The following LTBP4 variants were observed in gnomAD, a reference collection of about 807,000 sequenced individuals.
LTBP4 encodes the protein latent-transforming growth factor beta-binding protein 4.
In LTBP4, 93 loss-of-function variants were observed where a neutral mutation model predicts 180.2. That is an observed-to-expected ratio of 0.52 (90% CI 0.44 to 0.61). The LOEUF is 0.61. LTBP4 is among the 20% of genes least tolerant of loss of function. The pLI is 0.00. For missense variants in LTBP4, 2,116 were observed against 2,256.5 expected (o/e 0.94, Z 1.26); for synonymous variants, 947 against 934.5 (o/e 1.01, Z -0.24).
chr19:40,593,628 G>T (rs2081377074), intron 1 of LTBP4, among the ~76,000 whole-genome samples: 1 of 151,110 alleles, frequency 6.6e-6, no homozygotes, highest in Non-Finnish European at 1.5e-5. Context: ...TATGTAGGGG[G>T]AGGGCCTGGA....
chr19:40,608,828 T>C (rs2081483578), intron 9 of LTBP4: 2 of 449,730 alleles, frequency 4.4e-6, no homozygotes, highest in Non-Finnish European at 7.9e-6. Flanking sequence ...GGAGAATCAC[T>C]TGAACCCAGG....
At chr19:40,597,713 C>A (rs1472590387), upstream of LTBP4, among the ~76,000 whole-genome samples, 2 of 151,732 alleles carry the variant, frequency 1.3e-5, no homozygotes, top group African/African-American at 4.8e-5. Flanking sequence ...GGTCTTCGAG[C>A]TAGGATGGAG....
In LTBP4 at chr19:40,607,405, C is replaced by A; in HGVS notation, c.1032C>A (p.Arg344=). Residue 344 remains arginine, a synonymous_variant, in exon 7 of 30, where the codon CGC becomes CGA. Transcript: ENST00000396819. ...VISEAKGPCF[R]VLRDGGCSLP... is the part of the protein sequence containing the mutation. ...CAGAGGCCAAAGGGCCCTGCTTCCG[C>A]GTGCTCCGCGACGGCGGCTGTTCGC... 1.2e-6 allele frequency: 2 copies of A among 1,613,144 alleles called. No homozygotes were observed. The highest frequency in any genetic ancestry group is 1.7e-6 in the Non-Finnish European group (2 of 1,179,614).
At position 40,612,205 on chromosome 19, in the gene LTBP4, C is replaced by T. The variant is rs2081512931; in HGVS notation, c.2299+13C>T. ...GGCAGATGCACTGGTGAGACCAGGC[C>T]CTGGCTGTGACCTTGGGCCTGCATC... On this transcript the variant is annotated intron_variant, in intron 15 of 29. Transcript: ENST00000396819. The T allele has an allele frequency of 1.9e-6, 3 of 1,586,500 alleles. No homozygotes were observed. The highest frequency in any genetic ancestry group is 4.6e-5 in the East Asian group (2 of 43,772).
At position 40,605,942 on chromosome 19, in the gene LTBP4, AC is replaced by A; in HGVS notation, c.793+115del. 1 of 1,218,164 alleles carries A rather than the reference AC, an allele frequency of 8.2e-7. No homozygotes were observed. Among genetic ancestry groups the A allele is most frequent in the Non-Finnish European group, 1.1e-6 (1 of 885,562 alleles). The allele number at this position is 1,218,164 out of a possible 1,614,324, so 75.5% of individuals were successfully genotyped here. A position where few individuals can be genotyped will look rare whatever the true frequency, so the allele number is the denominator to read the frequency against. ...CAGTTCACAAATTGTAGCCACGCCT[AC>A]CCCATTGTGGAGGCGACTTCCAGTC... On this transcript the variant is annotated intron_variant, in intron 4 of 29. Coordinates refer to ENST00000396819, the MANE Select transcript of LTBP4 (RefSeq NM_001042545.2). This position sits in a 1 kb window ranked among gnomAD's most constrained non-coding sequence, Gnocchi z 5.5.
In LTBP4 at chr19:40,619,502, G is replaced by A. The variant is rs765065001; in HGVS notation, c.3217+9G>A. On this transcript the variant is annotated intron_variant, in intron 22 of 29. Transcript: ENST00000396819. ...CCCACGAACTTCTGCTGGTGAGACT[G>A]ATGTGTCTATTTAACTGATGGCGGC... is the stretch of plus-strand genomic sequence containing the variant. 27 of 1,603,252 alleles carry A rather than the reference G, an allele frequency of 1.7e-5. No homozygotes were observed. The highest frequency in any genetic ancestry group is 2.1e-5 in the Non-Finnish European group (25 of 1,172,786).
Position 40,601,447 on chromosome 19 carries a change from G to A in LTBP4, c.60G>A (p.Gly20=), listed in dbSNP as rs1290880704. 2 of 1,474,474 alleles carry A rather than the reference G, an allele frequency of 1.4e-6. No individual in the cohort carries two copies. Among genetic ancestry groups the A allele is most frequent in the African/African-American group, 1.5e-5 (1 of 68,232 alleles). The allele number at this position is 1,474,474 out of a possible 1,614,324, so 91.3% of individuals were successfully genotyped here. ...VSLLVLLAQL[G]PQPGLGRLGE... is the part of the protein sequence containing the mutation. The stretch of plus-strand genomic sequence containing the variant: ...TATTGGTGCTGCTGGCGCAGCTAGG[G>A]CCGCAGCCTGGACTGGGCCGGCTCG... Residue 20 remains glycine (G), a synonymous_variant, in exon 1 of 30, where the codon GGG becomes GGA. Coordinates refer to ENST00000396819, the MANE Select transcript of LTBP4 (RefSeq NM_001042545.2).
chr19:40,605,023 T>TGG lies in LTBP4; in HGVS notation c.251-12_251-11insGG, dbSNP rs1461053961. ...ATGGTGGCGCCCCTGAGTGTCCTCG[T>TGG]TCTCCTCCCAGTCCTGTGTCCCTTG... On this transcript the variant is annotated splice_polypyrimidine_tract_variant and intron_variant, in intron 1 of 29. Transcript: ENST00000396819. The surrounding 1 kb of genome is among the most constrained non-coding windows in gnomAD (Gnocchi z 5.5). 1.8e-5 allele frequency: 29 copies of TGG among 1,599,550 alleles called. No individual in the cohort carries two copies. The highest frequency in any genetic ancestry group is 8.5e-5 in the Admixed American group (5 of 59,040).
intron 11 of LTBP4, 113 bp from the exon 12 acceptor site, chr19:40,610,419 C>G: frequency 7.6e-7 from 1 of 1,320,486 alleles, no homozygotes; most frequent in Non-Finnish European, 1.0e-6. Context: ...GGTCCCCATC[C>G]TGGCTCTGGC....
At chr19:40,614,160 C>T in intron 18 of LTBP4, 122 bp downstream of exon 18, 1 of 1,461,790 alleles carries the variant, frequency 6.8e-7, no homozygotes, top group Non-Finnish European at 9.3e-7. Context: ...CCCCCGCCTC[C>T]TCTCCTAGCC....
Position 40,629,228 on chromosome 19 carries a change from G to T in LTBP4, c.4520-168G>T, listed in dbSNP as rs2081659084. 1 of 728,726 alleles carries T rather than the reference G, an allele frequency of 1.4e-6. No individual in the cohort carries two copies. The allele number at this position is 728,726 out of a possible 1,614,324, so 45.1% of individuals were successfully genotyped here. A position where few individuals can be genotyped will look rare whatever the true frequency, so the allele number is the denominator to read the frequency against. On this transcript the variant is annotated intron_variant, in intron 29 of 29. Transcript: ENST00000396819. The surrounding 1 kb of genome is among the most constrained non-coding windows in gnomAD (Gnocchi z 4.5). ...ACAGAACACGAAACTGAAGCACAGT[G>T]AGGTTAAGCCACCTGGCCGGGCTCA...
Position 40,611,777 on chromosome 19 carries a change from C to G in LTBP4, c.2054-82C>G. The G allele has an allele frequency of 6.6e-7, 1 of 1,521,390 alleles. No individual in the cohort carries two copies. Among genetic ancestry groups the G allele is most frequent in the Non-Finnish European group, 8.9e-7 (1 of 1,127,890 alleles). 94.2% of individuals were successfully genotyped at this position (1,521,390 alleles called of 1,614,324 possible). On this transcript the variant is annotated intron_variant, in intron 13 of 29. Transcript: ENST00000396819. This position sits in a 1 kb window ranked among gnomAD's most constrained non-coding sequence, Gnocchi z 4.4. Reference sequence around the variant, plus strand: ...GCAAGTCCAGAAGGCAGGCTCAAGACTGGAATGCTGGGGTGGGTGGTGATG... The same window carrying G: ...GCAAGTCCAGAAGGCAGGCTCAAGAGTGGAATGCTGGGGTGGGTGGTGATG...
Position 40,622,407 on chromosome 19 carries a change from T to C in LTBP4, c.3224T>C (p.Phe1075Ser). The change falls in exon 23 of 30, where the codon TTC (phenylalanine) becomes TCC (serine). Residue 1075 changes from phenylalanine (F) to serine (S), a missense_variant. Physicochemically the swap from Phe to Ser is radical, Grantham distance 155. Around this residue, in one of 5 missense-constraint regions of LTBP4, gnomAD observed 278 missense variants for 373.0 expected, o/e 0.75. Transcript: ENST00000396819. This position sits in a 1 kb window ranked among gnomAD's most constrained non-coding sequence, Gnocchi z 5.1. ...AAGCTCCTTGTCTCCCCAGGCACGT[T>C]CCCAGGCTCGCAGCCCCAGGCACCT... ...CVPPRTSAGT[F>S]PGSQPQAPAS... is the part of the protein sequence containing the mutation. 6 of 1,535,430 alleles carry C rather than the reference T, an allele frequency of 3.9e-6. No individual in the cohort carries two copies. The highest frequency in any genetic ancestry group is 5.3e-6 in the Non-Finnish European group (6 of 1,135,222).
Position 40,613,761 on chromosome 19 carries a change from G to C in LTBP4, c.2558-155G>C. The C allele has an allele frequency of 7.6e-7, 1 of 1,309,164 alleles. No homozygotes were observed. The allele number at this position is 1,309,164 out of a possible 1,614,324, so 81.1% of individuals were successfully genotyped here. On this transcript the variant is annotated intron_variant, in intron 17 of 29. Transcript: ENST00000396819. This position sits in a 1 kb window ranked among gnomAD's most constrained non-coding sequence, Gnocchi z 5.0. Reference sequence around the variant, plus strand: ...ATTGTAAAGAAGCTGTTCTAAACCCGTCGGGGGGCGGTGTTTGCAGGGAGG... The same window carrying C: ...ATTGTAAAGAAGCTGTTCTAAACCCCTCGGGGGGCGGTGTTTGCAGGGAGG...
chr19:40,593,807 T>A (rs1054327901), intron 1 of LTBP4, among the ~76,000 whole-genome samples: 1 of 152,056 alleles, frequency 6.6e-6, no homozygotes, highest in Admixed American at 6.6e-5. Flanking sequence ...TTATTTCTTT[T>A]TTTTGAGACA....
chr19:40,597,227 C>G, upstream of LTBP4: 1 of 1,480,386 alleles, frequency 6.8e-7, no homozygotes, highest in Non-Finnish European at 8.9e-7. Flanking sequence ...GACTCGGCGC[C>G]CGACACGATG....
At chr19:40,599,385 C>T (rs1232938470), upstream of LTBP4, 3 of 1,609,668 alleles carry the variant, frequency 1.9e-6, no homozygotes, top group African/African-American at 1.3e-5. Flanking sequence ...TACTTGGTCC[C>T]CTCCTTCCCC....
chr19:40,607,634 G>T (rs1224566647), intron 7 of LTBP4, 105 bp downstream of exon 7: 1 of 1,328,488 alleles, frequency 7.5e-7, no homozygotes, highest in Non-Finnish European at 1.0e-6. Context: ...GACTGGCTGG[G>T]CTCCAGCCTT....
chr19:40,597,043 C>G (rs571467353), upstream of LTBP4, among the ~76,000 whole-genome samples: 1 of 152,126 alleles, frequency 6.6e-6, no homozygotes, highest in African/African-American at 2.4e-5. Context: ...CCTGCTGCCT[C>G]CTGATTGGCC....
Sources: gnomAD v4.1 joint callset for allele counts (sites outside exome capture counted in the v4.1 genomes callset) on GRCh38, gnomAD v4.1.1 for gene constraint, gnomAD v4.1.1 regional missense constraint, Gnocchi (gnomAD v3.1) non-coding constraint, MANE v1.5 for transcripts, NCBI Gene and HGNC (gene_info 2026-07-23, HGNC 2026-07-21) for gene names.